The following PITPNC1 variants were observed in gnomAD, a reference collection of about 807,000 sequenced individuals.
The protein encoded by PITPNC1 is cytoplasmic phosphatidylinositol transfer protein 1.
PITPNC1 carries 18 observed loss-of-function variants against 44.7 expected under a neutral mutation model. The observed-to-expected ratio is 0.40, with a 90% CI of 0.28 to 0.60. PITPNC1 has a LOEUF of 0.60. Among genes scored for constraint, PITPNC1 ranks in the 20% least tolerant of loss-of-function variants. PITPNC1 has a pLI of 0.39. For missense variants in PITPNC1, 290 were observed against 418.4 expected, an observed-to-expected ratio of 0.69 and a Z score of 2.68; for synonymous variants, 141 against 149.6, an observed-to-expected ratio of 0.94 and a Z score of 0.42.
intron 1 of PITPNC1, among the ~76,000 whole-genome samples, chr17:67,469,568 G>C (rs999396000): frequency 2.0e-5 from 3 of 152,098 alleles, no homozygotes; most frequent in African/African-American, 7.2e-5. Flanking sequence ...TCAGACCAGC[G>C]GCCCCAGGCT....
At chr17:67,401,846 G>C (rs554073200) in intron 1 of PITPNC1, among the ~76,000 whole-genome samples, 3 of 144,734 alleles carry the variant, frequency 2.1e-5, no homozygotes, top group African/African-American at 7.7e-5. Context: ...CTACCTCAAA[G>C]AAAAAAAAAA....
Position 67,377,961 on chromosome 17 carries a change from AC to A in PITPNC1, c.-191del. Reference sequence around the variant, plus strand: ...GGGAGGAGGCGGGGGAGCTGCGAACACCCAGACCCAAACCCTGACATGCTCT... The same window carrying A: ...GGGAGGAGGCGGGGGAGCTGCGAACACCAGACCCAAACCCTGACATGCTCT... On this transcript the variant is annotated 5_prime_UTR_variant, in exon 1 of 9. Coordinates refer to ENST00000581322, the MANE Select transcript of PITPNC1 (RefSeq NM_012417.4). The A allele has an allele frequency of 4.8e-6, 2 of 417,466 alleles. No individual in the cohort carries two copies. The highest frequency in any genetic ancestry group is 8.4e-6 in the Non-Finnish European group (2 of 237,976). The allele number at this position is 417,466 out of a possible 1,614,324, so 25.9% of individuals were successfully genotyped here.
chr17:67,410,993 A>G (rs1273695100), intron 1 of PITPNC1, among the ~76,000 whole-genome samples: 1 of 151,650 alleles, frequency 6.6e-6, no homozygotes, highest in Non-Finnish European at 1.5e-5. Flanking sequence ...TGAGGCAGAG[A>G]ACTACTTGAA....
rs574016874 is a variant in PITPNC1 at position 67,617,754 on chromosome 17, C to T, written c.367-14389C>T. 2.0e-5 allele frequency among the ~76,000 whole-genome samples: 3 copies of T among 152,260 alleles called. No homozygotes were observed. In the South Asian group the frequency reaches 6.2e-4, roughly 32 times the overall value. On this transcript the variant is annotated intron_variant, in intron 5 of 8. Transcript: ENST00000581322. ...AATCTCTGCCTCTGTCTTTACATGA[C>T]TTTCATCCCCCTGTGTGAACTGCCC...
chr17:67,669,760 C>A, intron 7 of PITPNC1, 97 bp downstream of exon 7: 1 of 840,558 alleles, frequency 1.2e-6, no homozygotes, highest in Non-Finnish European at 1.9e-6. Context: ...ACAAATACAT[C>A]AGGTCACTGC....
intron 1 of PITPNC1, among the ~76,000 whole-genome samples, chr17:67,528,710 G>A (rs1169868776): frequency 6.6e-6 from 1 of 152,200 alleles, no homozygotes; most frequent in African/African-American, 2.4e-5. Flanking sequence ...CAGCATTTAT[G>A]TGCATTTCTG....
intron 1 of PITPNC1, among the ~76,000 whole-genome samples, chr17:67,401,836 C>G (rs1026313447): frequency 6.6e-6 from 1 of 151,562 alleles, no homozygotes; most frequent in Non-Finnish European, 1.5e-5. Context: ...GAGTGAGACT[C>G]TACCTCAAAG....
intron 4 of PITPNC1, among the ~76,000 whole-genome samples, chr17:67,575,854 C>CCG (rs1568047805): frequency 2.8e-5 from 2 of 72,136 alleles, no homozygotes; most frequent in Non-Finnish European, 5.2e-5. Flanking sequence ...TTCTTTCTTT[C>CCG]TTTCCTTCCT....
intron 1 of PITPNC1, among the ~76,000 whole-genome samples, chr17:67,527,296 G>A (rs1353491649): frequency 6.6e-6 from 1 of 152,144 alleles, no homozygotes; most frequent in Non-Finnish European, 1.5e-5. Context: ...CCTGTGGGGG[G>A]TCAGAATCCC....
chr17:67,522,173 A>G (rs1430990433), intron 1 of PITPNC1, among the ~76,000 whole-genome samples: 2 of 152,122 alleles, frequency 1.3e-5, no homozygotes, highest in Non-Finnish European at 2.9e-5. Context: ...GCGTGGTGGC[A>G]CACGCTTGTA....
At chr17:67,379,229 C>G in intron 1 of PITPNC1, 1 of 985,712 alleles carries the variant, frequency 1.0e-6, no homozygotes. Flanking sequence ...CCACCCAGAC[C>G]GTCTTTATAT....
At chr17:67,404,330 T>C (rs2038366279) in intron 1 of PITPNC1, among the ~76,000 whole-genome samples, 1 of 152,244 alleles carries the variant, frequency 6.6e-6, no homozygotes, top group African/African-American at 2.4e-5. Flanking sequence ...AGATACAATT[T>C]TAGATTACCT....
intron 1 of PITPNC1, among the ~76,000 whole-genome samples, chr17:67,425,768 A>G (rs1038673562): frequency 6.6e-6 from 1 of 152,036 alleles, no homozygotes; most frequent in Non-Finnish European, 1.5e-5. Context: ...GCCTTACGTG[A>G]TCCTTTCACC....
chr17:67,549,429 G>T (rs1057252221), intron 2 of PITPNC1, among the ~76,000 whole-genome samples: 2 of 152,176 alleles, frequency 1.3e-5, no homozygotes, highest in African/African-American at 4.8e-5. Context: ...AATGATCGTG[G>T]TTTTTTAGGC....
chr17:67,505,004 A>G (rs1191111668), intron 1 of PITPNC1, among the ~76,000 whole-genome samples: 1 of 152,118 alleles, frequency 6.6e-6, no homozygotes, highest in African/African-American at 2.4e-5. Context: ...CCCATTGGTT[A>G]TTTGTGTGTG....
chr17:67,631,657 A>ATAT lies in PITPNC1; in HGVS notation c.367-486_367-485insTAT, dbSNP rs10524740. Among the ~76,000 whole-genome samples the ATAT allele has an allele frequency of 3.8e-3, 29 of 7,674 alleles. 1 individual carries two copies. Among genetic ancestry groups the ATAT allele is most frequent in the African/African-American group, 0.01 (28 of 2,710 alleles). The allele number at this position is 7,674 out of a possible 152,430, so 5.0% of individuals were successfully genotyped here. On this transcript the variant is annotated intron_variant, in intron 5 of 8. Transcript: ENST00000581322. The stretch of plus-strand genomic sequence containing the variant: ...AACCAAAAAAAAAAAAAAAAAAAAA[A>ATAT]ATATATATATATATAAAATATATAT...
At chr17:67,625,297 C>T (rs1055408322) in intron 5 of PITPNC1, among the ~76,000 whole-genome samples, 4 of 152,146 alleles carry the variant, frequency 2.6e-5, no homozygotes, top group Admixed American at 1.3e-4. Context: ...AAGGAGCAAA[C>T]GAGACCATGA....
intron 1 of PITPNC1, among the ~76,000 whole-genome samples, chr17:67,392,398 G>A (rs938623222): frequency 3.9e-5 from 6 of 152,124 alleles, no homozygotes; most frequent in African/African-American, 1.4e-4. Flanking sequence ...TAGTCACACT[G>A]CATGTGGACT....
At chr17:67,681,367 C>T (rs2042701756) in intron 8 of PITPNC1, among the ~76,000 whole-genome samples, 1 of 151,996 alleles carries the variant, frequency 6.6e-6, no homozygotes, top group African/African-American at 2.4e-5. Flanking sequence ...AATCCCAGCA[C>T]TTTGGGAGGC....
Sources: allele counts gnomAD v4.1 joint callset (sites outside exome capture counted in the v4.1 genomes callset), GRCh38; gene constraint gnomAD v4.1.1; transcripts MANE v1.5; gene names NCBI Gene and HGNC (gene_info 2026-07-23, HGNC 2026-07-21).